Variants in PHACTR1 observed in about 807,000 individuals in gnomAD.
PHACTR1 encodes phosphatase and actin regulator 1.
In PHACTR1, 16 loss-of-function variants were observed where a neutral mutation model predicts 69.2. The observed-to-expected ratio is 0.23, with a 90% CI of 0.16 to 0.35. The LOEUF (loss-of-function observed/expected upper bound fraction) is 0.35. Ranked by LOEUF, PHACTR1 falls within the 10% of genes least tolerant of loss-of-function variation. The pLI is 1.00. For missense variants in PHACTR1, 510 were observed against 734.7 expected (o/e 0.69, Z 3.54); for synonymous variants, 312 against 284.5 (o/e 1.10, Z -0.97).
chr6:13,183,673 T>TGAGGCGGTGGCGGGAGGTGAGAGGA (rs1762467506), intron 7 of PHACTR1, among the ~76,000 whole-genome samples: 1 of 152,136 alleles, frequency 6.6e-6, no homozygotes, highest in African/African-American at 2.4e-5. Flanking sequence ...GCTTTCTCAC[T>TGAGGCGGTGGCGGGAGGTGAGAGGA]GAGGCGGTGG....
intron 4 of PHACTR1, among the ~76,000 whole-genome samples, chr6:12,908,296 G>A (rs1489058155): frequency 6.6e-6 from 1 of 152,018 alleles, no homozygotes; most frequent in Non-Finnish European, 1.5e-5. Flanking sequence ...TTTACTTTAT[G>A]AGTTTATGTA....
intron 5 of PHACTR1, among the ~76,000 whole-genome samples, chr6:13,109,504 T>C (rs1228582324): frequency 6.6e-6 from 1 of 151,980 alleles, no homozygotes; most frequent in African/African-American, 2.4e-5. Context: ...CAAAGATGAT[T>C]CTTATCTTTT....
At chr6:12,731,037 A>G (rs1309859323) in intron 3 of PHACTR1, among the ~76,000 whole-genome samples, 11 of 98,570 alleles carry the variant, frequency 1.1e-4, no homozygotes, top group Non-Finnish European at 2.2e-4. Context: ...TTTATTTGAG[A>G]TGGAGTCTTG....
chr6:12,810,907 A>G (rs1774941780), intron 4 of PHACTR1, among the ~76,000 whole-genome samples: 1 of 152,194 alleles, frequency 6.6e-6, no homozygotes, highest in African/African-American at 2.4e-5. Flanking sequence ...TTGGTCACCC[A>G]GTTGCCCATG....
At chr6:13,037,390 C>G (rs555323508) in intron 4 of PHACTR1, among the ~76,000 whole-genome samples, 1 of 152,262 alleles carries the variant, frequency 6.6e-6, no homozygotes, top group East Asian at 1.9e-4. Flanking sequence ...TGGGATCAAC[C>G]TCTAGGAAGC....
intron 4 of PHACTR1, among the ~76,000 whole-genome samples, chr6:12,810,069 C>T (rs1168283674): frequency 6.6e-6 from 1 of 152,110 alleles, no homozygotes; most frequent in South Asian, 2.1e-4. Flanking sequence ...CATTTGCTTC[C>T]CAACAAGTCT....
At chr6:12,933,942 G>A (rs760270435) in intron 4 of PHACTR1, 174 of 1,599,066 alleles carry the variant, frequency 1.1e-4, no homozygotes, top group Middle Eastern at 2.1e-4. Flanking sequence ...GCGGGTTGGC[G>A]TGTGTATTCA....
At chr6:12,831,120 A>G (rs958407262) in intron 4 of PHACTR1, among the ~76,000 whole-genome samples, 1 of 152,238 alleles carries the variant, frequency 6.6e-6, no homozygotes, top group Non-Finnish European at 1.5e-5. Flanking sequence ...AAGAAAATAA[A>G]GATGAAATAT....
At chr6:13,134,425 G>T (rs1278460434) in intron 5 of PHACTR1, among the ~76,000 whole-genome samples, 1 of 152,182 alleles carries the variant, frequency 6.6e-6, no homozygotes, top group Non-Finnish European at 1.5e-5. Flanking sequence ...AGACATGGGA[G>T]ACTCCATTTT....
chr6:13,105,269 C>A (rs1054477896), intron 5 of PHACTR1, among the ~76,000 whole-genome samples: 2 of 152,108 alleles, frequency 1.3e-5, no homozygotes, highest in Admixed American at 1.3e-4. Flanking sequence ...CTCCCAGCTA[C>A]ACTGGTAGCT....
intron 5 of PHACTR1, among the ~76,000 whole-genome samples, chr6:13,094,976 G>A (rs939322728): frequency 3.7e-4 from 56 of 152,248 alleles, no homozygotes; most frequent in Middle Eastern, 3.4e-3. Context: ...CCCTGATGTG[G>A]AAGGATTAGA....
intron 5 of PHACTR1, among the ~76,000 whole-genome samples, chr6:13,124,067 C>T (rs1458383792): frequency 6.6e-6 from 1 of 152,286 alleles, no homozygotes; most frequent in African/African-American, 2.4e-5. Context: ...ATCCAAAAGG[C>T]TGAGCCAAGA....
At chr6:12,804,602 C>T (rs1276785901) in intron 4 of PHACTR1, among the ~76,000 whole-genome samples, 1 of 152,094 alleles carries the variant, frequency 6.6e-6, no homozygotes, top group Non-Finnish European at 1.5e-5. Context: ...GGGGTGGATC[C>T]CTTGAGCCCA....
intron 4 of PHACTR1, among the ~76,000 whole-genome samples, chr6:12,984,311 G>T (rs540340865): frequency 2.7e-4 from 41 of 152,356 alleles, no homozygotes; most frequent in Non-Finnish European, 5.3e-4. Context: ...GGGCCATATA[G>T]TCAAGAGTGT....
At chr6:13,081,399 A>G (rs1811354103) in intron 5 of PHACTR1, among the ~76,000 whole-genome samples, 2 of 152,338 alleles carry the variant, frequency 1.3e-5, no homozygotes, top group African/African-American at 2.4e-5. Flanking sequence ...ATATAAATAT[A>G]GTAGCAGCAG....
At chr6:12,985,559 T>TACAC (rs1312774125) in intron 4 of PHACTR1, among the ~76,000 whole-genome samples, 1 of 146,464 alleles carries the variant, frequency 6.8e-6, no homozygotes, top group African/African-American at 2.5e-5. Flanking sequence ...TATATATATA[T>TACAC]ATACACAGAG....
chr6:12,857,989 A>G (rs1780568703), intron 4 of PHACTR1, among the ~76,000 whole-genome samples: 1 of 152,162 alleles, frequency 6.6e-6, no homozygotes, highest in Non-Finnish European at 1.5e-5. Flanking sequence ...CATGCCAGAT[A>G]CCGTTCCAGG....
At chr6:12,866,774 C>G (rs568896084) in intron 4 of PHACTR1, among the ~76,000 whole-genome samples, 3 of 152,150 alleles carry the variant, frequency 2.0e-5, no homozygotes, top group African/African-American at 4.8e-5. Flanking sequence ...AGAAGAAATG[C>G]CAACAATAGA....
At chr6:13,187,823 G>A (rs535873689) in intron 7 of PHACTR1, among the ~76,000 whole-genome samples, 1 of 152,346 alleles carries the variant, frequency 6.6e-6, no homozygotes, top group South Asian at 2.1e-4. Context: ...GAGCTAACAA[G>A]CATCTGACTG....
Sources: allele counts gnomAD v4.1 joint callset (sites outside exome capture counted in the v4.1 genomes callset), GRCh38; gene constraint gnomAD v4.1.1; transcripts MANE v1.5; gene names NCBI Gene and HGNC (gene_info 2026-07-23, HGNC 2026-07-21).